Variants in EPC1 observed in about 807,000 individuals in gnomAD.
EPC1 encodes enhancer of polycomb 1, also known as enhancer of polycomb homolog 1.
A neutral mutation model predicts 98.4 loss-of-function variants in EPC1; 12 were observed. That is an observed-to-expected ratio of 0.12 (90% CI 0.08 to 0.20). EPC1 has a LOEUF of 0.20. EPC1 is among the 10% of genes least tolerant of loss of function. The pLI is 1.00. For synonymous variants in EPC1, 357 were observed against 363.9 expected (o/e 0.98, Z 0.21); for missense variants, 729 against 990.5 (o/e 0.74, Z 3.54).
At chr10:32,348,563 C>A (rs1056031169), upstream of EPC1, among the ~76,000 whole-genome samples, 14 of 152,178 alleles carry the variant, frequency 9.2e-5, no homozygotes, top group African/African-American at 3.4e-4. Flanking sequence ...GAAAACAGGA[C>A]GGATTGCAGT....
intron 10 of EPC1, among the ~76,000 whole-genome samples, chr10:32,275,856 G>C (rs953806649): frequency 6.6e-6 from 1 of 151,850 alleles, no homozygotes; most frequent in Non-Finnish European, 1.5e-5. Flanking sequence ...AGAATCGCTT[G>C]AACCCGGGAG....
chr10:32,306,012 G>T, intron 1 of EPC1, 81 bp from the exon 2 acceptor site: 2 of 1,285,284 alleles, frequency 1.6e-6, no homozygotes, highest in Non-Finnish European at 1.0e-6. Flanking sequence ...GGTTTTTTTG[G>T]CTCATTTGTT....
At position 32,330,859 on chromosome 10, in the gene EPC1, G is replaced by GA. The variant is rs200446585; in HGVS notation, c.153+15903dup. ...CCCAGTCATAAAAATATAAAGGCCA[G>GA]AAAAAAAAGCATCTCCAAAAAAGCG... On this transcript the variant is annotated intron_variant, in intron 1 of 13. Coordinates refer to ENST00000319778, the MANE Select transcript of EPC1 (RefSeq NM_001272004.3). 9.1e-3 allele frequency among the ~76,000 whole-genome samples: 1,379 copies of GA among 151,000 alleles called. 25 individuals carry two copies. Among genetic ancestry groups the GA allele is most frequent in the African/African-American group, 0.03 (1,219 of 41,142 alleles).
chr10:32,332,757 C>T (rs1449149824), intron 1 of EPC1, among the ~76,000 whole-genome samples: 1 of 152,164 alleles, frequency 6.6e-6, no homozygotes, highest in Non-Finnish European at 1.5e-5. Context: ...TTTTAAACTG[C>T]TACATTTAGG....
intron 2 of EPC1, among the ~76,000 whole-genome samples, chr10:32,302,750 T>C (rs1381724898): frequency 6.6e-6 from 1 of 151,618 alleles, no homozygotes; most frequent in Non-Finnish European, 1.5e-5. Flanking sequence ...CATGAAAAGA[T>C]ATTTCATTTT....
chr10:32,315,950 C>T (rs918159631), intron 1 of EPC1, among the ~76,000 whole-genome samples: 1 of 152,154 alleles, frequency 6.6e-6, no homozygotes, highest in East Asian at 1.9e-4. Flanking sequence ...AAATTGCTTC[C>T]AAGGTCCAAC....
intron 1 of EPC1, among the ~76,000 whole-genome samples, chr10:32,318,393 A>T (rs1836681766): frequency 6.6e-6 from 1 of 152,144 alleles, no homozygotes; most frequent in Non-Finnish European, 1.5e-5. Flanking sequence ...ACACAAACTA[A>T]ATCTGTCCCA....
At chr10:32,322,942 A>T (rs925281196) in intron 1 of EPC1, among the ~76,000 whole-genome samples, 42 of 152,200 alleles carry the variant, frequency 2.8e-4, no homozygotes, top group African/African-American at 8.9e-4. Context: ...ATTTTTTTTA[A>T]AAAAACCATG....
chr10:32,304,739 G>C (rs1424907757), intron 2 of EPC1, among the ~76,000 whole-genome samples: 1 of 151,928 alleles, frequency 6.6e-6, no homozygotes, highest in African/African-American at 2.4e-5. Context: ...GACCAACATG[G>C]AGAAACCCCG....
intron 1 of EPC1, among the ~76,000 whole-genome samples, chr10:32,337,417 A>G (rs1442083841): frequency 6.6e-6 from 1 of 152,140 alleles, no homozygotes; most frequent in African/African-American, 2.4e-5. Flanking sequence ...TCAGCTAGAC[A>G]CTCGAAGGGA....
chr10:32,359,241 C>A (rs12761365), intron 1 of EPC1, among the ~76,000 whole-genome samples: 49,460 of 151,940 alleles, frequency 0.33, 8,238 homozygotes, highest in South Asian at 0.43. Flanking sequence ...AAAATATTAT[C>A]CTTATCACTG....
intron 1 of EPC1, among the ~76,000 whole-genome samples, chr10:32,366,840 T>C (rs1234406340): frequency 6.6e-6 from 1 of 152,156 alleles, no homozygotes; most frequent in African/African-American, 2.4e-5. Flanking sequence ...GCTACCATCT[T>C]CCTCACAAGT....
chr10:32,330,970 C>T (rs1217635191), intron 1 of EPC1, among the ~76,000 whole-genome samples: 4 of 150,696 alleles, frequency 2.7e-5, no homozygotes, highest in East Asian at 1.9e-4. Context: ...AAAGTTCGAA[C>T]GTAAGATGAA....
At chr10:32,313,238 T>C (rs907126526) in intron 1 of EPC1, among the ~76,000 whole-genome samples, 1 of 152,154 alleles carries the variant, frequency 6.6e-6, no homozygotes, top group African/African-American at 2.4e-5. Context: ...GAAATGCTGG[T>C]ATAAAACAAA....
upstream of EPC1, among the ~76,000 whole-genome samples, chr10:32,351,889 C>T (rs1839121686): frequency 6.6e-6 from 1 of 150,376 alleles, no homozygotes; most frequent in Non-Finnish European, 1.5e-5. Flanking sequence ...CGCCATCACG[C>T]CCGGCTAATT....
In EPC1 at chr10:32,287,252, C is replaced by A. The variant is rs773766218; in HGVS notation, c.998G>T (p.Arg333Leu). The A allele has an allele frequency of 6.2e-7, 1 of 1,613,872 alleles. No individual in the cohort carries two copies. The highest frequency in any genetic ancestry group is 1.1e-5 in the South Asian group (1 of 91,040). Residue 333 changes from arginine (R) to leucine (L), a missense_variant, in exon 7 of 14, where the codon CGA becomes CTA. Arg to Leu is a moderately radical substitution (Grantham distance 102). Coordinates refer to ENST00000319778, the MANE Select transcript of EPC1 (RefSeq NM_001272004.3). Reference sequence around the variant, plus strand: ...CTTCTTTTCATATTTCCGTTTCGGTCGGATAAGATCGGCTTTATCTTGCTG... The same window carrying A: ...CTTCTTTTCATATTTCCGTTTCGGTAGGATAAGATCGGCTTTATCTTGCTG... ...VNKQDKADLI[R>L]PKRKYEKKPK...
chr10:32,326,911 T>C (rs1286094414), intron 1 of EPC1, among the ~76,000 whole-genome samples: 2 of 146,336 alleles, frequency 1.4e-5, no homozygotes, highest in East Asian at 4.0e-4. Flanking sequence ...CTGGTGAGGA[T>C]GCAGAGAAAA....
intron 10 of EPC1, 71 bp downstream of exon 10, chr10:32,284,625 CAT>C (rs1016043727): frequency 7.5e-5 from 93 of 1,247,990 alleles, no homozygotes; most frequent in Non-Finnish European, 9.4e-5. Flanking sequence ...TAACAGACCA[CAT>C]AGTCGAACAA....
Position 32,302,606 on chromosome 10 carries a change from T to C in EPC1, c.313+3166A>G, listed in dbSNP as rs367817080. 8.3e-5 allele frequency among the ~76,000 whole-genome samples: 11 copies of C among 132,154 alleles called. No homozygotes were observed. The East Asian group carries it at 1.7e-3, about 21-fold the overall frequency. The allele number at this position is 132,154 out of a possible 152,430, so 86.7% of individuals were successfully genotyped here. ...CGGAGGTTGCTGTGAGCCGAGACTG[T>C]ACCACTGCACTCCAGTCTGGGCAAC... On this transcript the variant is annotated intron_variant, in intron 2 of 13. Coordinates refer to ENST00000319778, the MANE Select transcript of EPC1 (RefSeq NM_001272004.3).
Sources: gnomAD v4.1 joint callset for allele counts (sites outside exome capture counted in the v4.1 genomes callset) on GRCh38, gnomAD v4.1.1 for gene constraint, MANE v1.5 for transcripts, NCBI Gene and HGNC (gene_info 2026-07-23, HGNC 2026-07-21) for gene names.